Variants in SCTR observed in about 807,000 individuals in gnomAD.
SCTR encodes the protein secretin receptor, also known as pancreatic secretin receptor.
A neutral mutation model predicts 60.8 loss-of-function variants in SCTR; 56 were observed. The ratio of observed to expected loss-of-function variants is 0.92; its 90% CI spans 0.74 to 1.15. The LOEUF (loss-of-function observed/expected upper bound fraction) is 1.15, where lower values mean the gene tolerates loss of function less well. SCTR is among the 50% of genes most tolerant of loss of function. The probability of loss-of-function intolerance (pLI) is 0.00; values close to 1 mark genes in which losing one functional copy is unlikely to be tolerated. For synonymous variants in SCTR, 202 were observed against 217.0 expected (o/e 0.93, Z 0.61); for missense variants, 562 against 550.4 (o/e 1.02, Z -0.21).
At chr2:119,465,734 C>A (rs1249539574) in intron 5 of SCTR, 55 bp downstream of exon 5, 3 of 1,247,474 alleles carry the variant, frequency 2.4e-6, no homozygotes, top group Non-Finnish European at 2.4e-6. Flanking sequence ...AGAAGAGACC[C>A]AAAGTCTGTA....
chr2:119,498,345 G>C (rs1412365051), intron 1 of SCTR, among the ~76,000 whole-genome samples: 2 of 152,046 alleles, frequency 1.3e-5, no homozygotes, highest in Non-Finnish European at 2.9e-5. Flanking sequence ...GTTGCCAGTA[G>C]ACTCACCCTA....
At position 119,455,954 on chromosome 2, in the gene SCTR, A is replaced by G. The variant is rs762846454; in HGVS notation, c.791-2607T>C. ...ACACAGAGAGAAGATCCTGCAGCTT[A>G]TGTAGAAAGGAGTAAAAAGTTCAGG... On this transcript the variant is annotated intron_variant, in intron 7 of 12. Coordinates refer to ENST00000019103, the MANE Select transcript of SCTR (RefSeq NM_002980.3). Among the ~76,000 whole-genome samples, 36 of 152,226 alleles carry G rather than the reference A, an allele frequency of 2.4e-4. 1 individual carries two copies. Among genetic ancestry groups the G allele is most frequent in the Non-Finnish European group, 4.4e-5 (3 of 68,028 alleles).
intron 1 of SCTR, among the ~76,000 whole-genome samples, chr2:119,519,938 G>A (rs1679239595): frequency 6.6e-6 from 1 of 151,850 alleles, no homozygotes; most frequent in South Asian, 2.1e-4. Flanking sequence ...TAAGCAAATG[G>A]CTTCACATCT....
At chr2:119,522,165 A>G (rs1330024168) in intron 1 of SCTR, among the ~76,000 whole-genome samples, 1 of 152,150 alleles carries the variant, frequency 6.6e-6, no homozygotes, top group African/African-American at 2.4e-5. Context: ...GCATGGTGGC[A>G]CATGCCTGTA....
chr2:119,510,475 C>T (rs1450515916), intron 1 of SCTR, among the ~76,000 whole-genome samples: 1 of 151,986 alleles, frequency 6.6e-6, no homozygotes, highest in African/African-American at 2.4e-5. Flanking sequence ...GAGCAACCAC[C>T]CAGAAGATGT....
chr2:119,448,602 C>A, intron 10 of SCTR, 87 bp downstream of exon 10: 1 of 795,876 alleles, frequency 1.3e-6, no homozygotes, highest in African/African-American at 1.7e-5. Flanking sequence ...TCCTCCGTCT[C>A]CAATAGCTAG....
At position 119,519,203 on chromosome 2, in the gene SCTR, G is replaced by A. The variant is rs559025846; in HGVS notation, c.72+4952C>T. 5.5e-4 allele frequency among the ~76,000 whole-genome samples: 83 copies of A among 152,138 alleles called. 1 individual carries two copies. The East Asian group carries it at 0.014, about 26-fold the overall frequency. On this transcript the variant is annotated intron_variant, in intron 1 of 12. Transcript: ENST00000019103. ...GGTCTCAGACTGGTCTCAAACTCCCGATCTCAGGTGATCCACCCGCCTCGG... is the reference window on the plus strand; with the variant it reads ...GGTCTCAGACTGGTCTCAAACTCCCAATCTCAGGTGATCCACCCGCCTCGG...
chr2:119,456,689 A>G (rs1288827155), intron 7 of SCTR, among the ~76,000 whole-genome samples: 1 of 152,126 alleles, frequency 6.6e-6, no homozygotes, highest in Non-Finnish European at 1.5e-5. Flanking sequence ...ATTCATGTCA[A>G]CCCAGCACCT....
At chr2:119,462,078 C>G in intron 6 of SCTR, 78 bp from the exon 7 acceptor site, 1 of 1,443,046 alleles carries the variant, frequency 6.9e-7, no homozygotes, top group Non-Finnish European at 9.3e-7. Flanking sequence ...AAGGGAGCAA[C>G]AGGGTGTTGT....
chr2:119,453,675 G>A (rs907121441), intron 7 of SCTR, among the ~76,000 whole-genome samples: 25 of 152,206 alleles, frequency 1.6e-4, no homozygotes, highest in African/African-American at 5.8e-4. Context: ...CAGGCTCGTG[G>A]ACACATGGAG....
chr2:119,508,569 G>A, intron 1 of SCTR, among the ~76,000 whole-genome samples: 1 of 151,054 alleles, frequency 6.6e-6, no homozygotes, highest in Non-Finnish European at 1.5e-5. Flanking sequence ...TATTTTTTTG[G>A]TAGAGACAAG....
intron 3 of SCTR, among the ~76,000 whole-genome samples, chr2:119,474,260 G>T (rs1236021904): frequency 6.6e-6 from 1 of 152,214 alleles, no homozygotes; most frequent in African/African-American, 2.4e-5. Flanking sequence ...TCAAACGCGG[G>T]CTGGCTGGCT....
At chr2:119,440,987 C>T (rs1258725842) in intron 12 of SCTR, among the ~76,000 whole-genome samples, 1 of 152,242 alleles carries the variant, frequency 6.6e-6, no homozygotes, top group Non-Finnish European at 1.5e-5. Flanking sequence ...CCACATAGCT[C>T]TGTATGCCCA....
intron 11 of SCTR, among the ~76,000 whole-genome samples, chr2:119,444,200 T>TACATATGAATATACACACATATAC (rs1682773498): frequency 7.6e-6 from 1 of 131,512 alleles, no homozygotes; most frequent in African/African-American, 3.8e-5. Context: ...TATACACATA[T>TACATATGAATATACACACATATAC]GTATATATAC....
rs1442294129 is a variant in SCTR at position 119,473,454 on chromosome 2, C to A, written c.404G>T (p.Arg135Leu). Residue 135 changes from arginine (R) to leucine (L), a missense_variant and splice_region_variant, in exon 4 of 13, where the codon CGG becomes CTG. Physicochemically the swap from Arg to Leu is moderately radical, Grantham distance 102. Coordinates refer to ENST00000019103, the MANE Select transcript of SCTR (RefSeq NM_002980.3). ...VNVNDSSNEK[R>L]HSYLLKLKVM... is the part of the protein sequence containing the mutation. The stretch of plus-strand genomic sequence containing the variant: ...TGGGGTGGAGGTTGACAGGCTTACC[C>A]GCTTCTCGTTGGAAGAGTCGTTCAC... The A allele has an allele frequency of 1.9e-6, 3 of 1,610,440 alleles. No homozygotes were observed. The South Asian group carries it at 3.3e-5, about 18-fold the overall frequency.
intron 11 of SCTR, among the ~76,000 whole-genome samples, chr2:119,445,242 T>C (rs1319088242): frequency 3.3e-5 from 5 of 152,042 alleles, no homozygotes; most frequent in African/African-American, 1.2e-4. Context: ...ACCCGACTGG[T>C]CCTCAAATCC....
intron 2 of SCTR, among the ~76,000 whole-genome samples, chr2:119,483,370 T>A (rs560030770): frequency 7.2e-4 from 109 of 152,254 alleles, no homozygotes; most frequent in Non-Finnish European, 1.2e-3. Flanking sequence ...ATAATGGAGC[T>A]GGGATCCCAC....
intron 11 of SCTR, among the ~76,000 whole-genome samples, chr2:119,444,245 A>G (rs1036389300): frequency 1.4e-5 from 2 of 144,964 alleles, no homozygotes; most frequent in African/African-American, 2.6e-5. Flanking sequence ...ATGAATATAT[A>G]CACATATACA....
intron 1 of SCTR, among the ~76,000 whole-genome samples, chr2:119,519,861 A>AAT (rs1188174202): frequency 6.7e-6 from 1 of 149,522 alleles, no homozygotes. Flanking sequence ...GAAAAAAAAA[A>AAT]GAAAAAAAAA....
Sources: allele counts gnomAD v4.1 joint callset (sites outside exome capture counted in the v4.1 genomes callset), GRCh38; gene constraint gnomAD v4.1.1; transcripts MANE v1.5; gene names NCBI Gene and HGNC (gene_info 2026-07-23, HGNC 2026-07-21).